ATP8A2: variants seen among roughly 807,000 people sequenced by gnomAD.
ATP8A2 encodes phospholipid-transporting ATPase IB.
Under a neutral mutation model 165.6 loss-of-function variants are expected in ATP8A2, and 100 were observed. That is an observed-to-expected ratio of 0.60 (90% confidence interval 0.51 to 0.71). The LOEUF (loss-of-function observed/expected upper bound fraction) is 0.71. ATP8A2 is among the 30% of genes least tolerant of loss of function. The pLI, the probability that ATP8A2 is intolerant of heterozygous loss-of-function variation, is 0.00. For missense variants in ATP8A2, 1,227 were observed against 1,479.5 expected, an observed-to-expected ratio of 0.83 and a Z score of 2.80; for synonymous variants, 543 against 548.8, an observed-to-expected ratio of 0.99 and a Z score of 0.15.
At chr13:25,481,209 G>GAGAGGA (rs765867166) in intron 2 of ATP8A2, among the ~76,000 whole-genome samples, 10,992 of 142,584 alleles carry the variant, frequency 0.077, 577 homozygotes, top group African/African-American at 0.18. Context: ...GAGGAACAGG[G>GAGAGGA]ACAGGGACAG....
intron 33 of ATP8A2, among the ~76,000 whole-genome samples, chr13:25,933,344 A>C (rs1430229566): frequency 6.6e-6 from 1 of 152,224 alleles, no homozygotes; most frequent in Non-Finnish European, 1.5e-5. Context: ...TTCTGAGCAC[A>C]GGATCTCTAA....
intron 1 of ATP8A2, among the ~76,000 whole-genome samples, chr13:25,414,436 C>A (rs192116152): frequency 7.1e-4 from 108 of 152,268 alleles, no homozygotes; most frequent in African/African-American, 2.6e-3. Context: ...AGGTGATACT[C>A]CCTCCTTGGC....
At chr13:25,675,772 C>A (rs1255015766) in intron 24 of ATP8A2, among the ~76,000 whole-genome samples, 1 of 152,106 alleles carries the variant, frequency 6.6e-6, no homozygotes, top group East Asian at 1.9e-4. Flanking sequence ...GTTGGACAAG[C>A]TCACCTTTGA....
chr13:25,869,830 G>C (rs975333274), intron 33 of ATP8A2, among the ~76,000 whole-genome samples: 1 of 152,216 alleles, frequency 6.6e-6, no homozygotes, highest in Non-Finnish European at 1.5e-5. Context: ...AATGTTTACA[G>C]CTCCTGAACC....
At chr13:25,724,468 A>C (rs371696442) in intron 25 of ATP8A2, among the ~76,000 whole-genome samples, 1 of 152,234 alleles carries the variant, frequency 6.6e-6, no homozygotes, top group East Asian at 1.9e-4. Flanking sequence ...TGAGGGCCTG[A>C]AAATTGATAG....
intron 33 of ATP8A2, among the ~76,000 whole-genome samples, chr13:25,954,626 G>C (rs1955474945): frequency 1.3e-5 from 2 of 152,186 alleles, no homozygotes; most frequent in African/African-American, 4.8e-5. Flanking sequence ...ACTGGCATCT[G>C]GCGGGTGCCC....
chr13:26,016,592 G>A (rs7324321), intron 36 of ATP8A2, among the ~76,000 whole-genome samples: 2,718 of 152,210 alleles, frequency 0.018, 34 homozygotes, highest in African/African-American at 0.041. Flanking sequence ...TATTCCAAAG[G>A]CTAAGATACC....
intron 35 of ATP8A2, among the ~76,000 whole-genome samples, chr13:26,011,136 A>AG (rs1462257968): frequency 1.3e-5 from 2 of 152,298 alleles, no homozygotes; most frequent in African/African-American, 2.4e-5. Context: ...CACAAACGTA[A>AG]GGGGGGTCTG....
intron 27 of ATP8A2, among the ~76,000 whole-genome samples, chr13:25,790,075 C>G (rs552363600): frequency 6.6e-6 from 1 of 152,250 alleles, no homozygotes; most frequent in East Asian, 1.9e-4. Context: ...AAAATCAACT[C>G]AAGATGGATT....
chr13:25,924,043 C>T (rs1264196071), intron 33 of ATP8A2, among the ~76,000 whole-genome samples: 1 of 152,148 alleles, frequency 6.6e-6, no homozygotes, highest in African/African-American at 2.4e-5. Flanking sequence ...AGGAAGCTAC[C>T]CTTCAGCCTG....
intron 28 of ATP8A2, among the ~76,000 whole-genome samples, chr13:25,836,166 T>TTTG (rs1951598360): frequency 6.6e-6 from 1 of 150,518 alleles, no homozygotes; most frequent in East Asian, 2.0e-4. Flanking sequence ...ATCTCCTGTT[T>TTTG]TTTGTTTGTT....
At position 25,767,815 on chromosome 13, in the gene ATP8A2, A is replaced by G. The variant is rs79181124; in HGVS notation, c.2385-1231A>G. ...GAGCAAAGGCTTTTTACATGGTTCTACATTCAGTTTGCTGTCTCGCCAAAT... is the reference window on the plus strand; with the variant it reads ...GAGCAAAGGCTTTTTACATGGTTCTGCATTCAGTTTGCTGTCTCGCCAAAT... On this transcript the variant is annotated intron_variant, in intron 25 of 36. Coordinates refer to ENST00000381655, the MANE Select transcript of ATP8A2 (RefSeq NM_016529.6). Among the ~76,000 whole-genome samples the G allele has an allele frequency of 1.2e-3, 184 of 152,252 alleles. 1 individual carries two copies. The highest frequency in any genetic ancestry group is 4.0e-3 in the African/African-American group (167 of 41,548).
chr13:25,922,417 A>G (rs1158908969), intron 33 of ATP8A2, among the ~76,000 whole-genome samples: 1 of 152,222 alleles, frequency 6.6e-6, no homozygotes, highest in East Asian at 1.9e-4. Flanking sequence ...AGACGATGAA[A>G]TCTTCAGATC....
At chr13:25,579,740 G>A (rs1171921518) in intron 21 of ATP8A2, 68 bp from the exon 22 acceptor site, 2 of 1,579,234 alleles carry the variant, frequency 1.3e-6, no homozygotes, top group Admixed American at 3.4e-5. Flanking sequence ...ATGGAAAAGG[G>A]AGCACAGGCT....
chr13:25,435,278 A>C (rs1192803733), intron 1 of ATP8A2, among the ~76,000 whole-genome samples: 1 of 151,542 alleles, frequency 6.6e-6, no homozygotes, highest in Non-Finnish European at 1.5e-5. Context: ...CCACCACCAT[A>C]CCTGGCTAAT....
chr13:25,557,588 G>A (rs2039018607), intron 13 of ATP8A2, among the ~76,000 whole-genome samples: 2 of 152,166 alleles, frequency 1.3e-5, no homozygotes. Flanking sequence ...TATGAGTGAT[G>A]TAGTGTCCAT....
intron 33 of ATP8A2, among the ~76,000 whole-genome samples, chr13:25,894,808 A>G (rs1445887252): frequency 6.6e-6 from 1 of 152,086 alleles, no homozygotes; most frequent in Admixed American, 6.5e-5. Flanking sequence ...TGTGAATGGG[A>G]GTTCACTCAT....
rs528728220 is a variant in ATP8A2, at chr13:25,608,355, A to G, written c.2211+18656A>G. Among the ~76,000 whole-genome samples, 3 of 152,346 alleles carry G rather than the reference A, an allele frequency of 2.0e-5. 1 individual carries two copies. The East Asian group carries it at 5.8e-4, about 29-fold the overall frequency. Reference sequence around the variant, plus strand: ...GTTTCATTAAAGCAACAGATATTTGAGTACTTTTAATAGGTCTGGCAGTTT... The same window carrying G: ...GTTTCATTAAAGCAACAGATATTTGGGTACTTTTAATAGGTCTGGCAGTTT... On this transcript the variant is annotated intron_variant, in intron 24 of 36. Transcript: ENST00000381655.
chr13:25,868,522 C>A (rs1384680683), intron 33 of ATP8A2, among the ~76,000 whole-genome samples: 1 of 151,580 alleles, frequency 6.6e-6, no homozygotes, highest in African/African-American at 2.4e-5. Context: ...CCCAATTATT[C>A]ATTGAAGTCC....
Sources: allele counts gnomAD v4.1 joint callset (sites outside exome capture counted in the v4.1 genomes callset), GRCh38; gene constraint gnomAD v4.1.1; transcripts MANE v1.5; gene names NCBI Gene and HGNC (gene_info 2026-07-23, HGNC 2026-07-21).